The following KSR1 variants were observed in gnomAD, a reference collection of about 807,000 sequenced individuals.
KSR1 encodes the protein kinase suppressor of ras.
KSR1 carries 35 observed loss-of-function variants against 92.9 expected under a neutral mutation model. The ratio of observed to expected loss-of-function variants is 0.38; its 90% CI spans 0.29 to 0.50. The LOEUF is 0.50. Ranked by LOEUF, KSR1 falls within the 20% of genes least tolerant of loss-of-function variation. The probability of loss-of-function intolerance (pLI) is 0.94; values close to 1 mark genes in which losing one functional copy is unlikely to be tolerated. For synonymous variants in KSR1, 467 were observed against 472.6 expected, an observed-to-expected ratio of 0.99 and a Z score of 0.15; for missense variants, 972 against 1,158.5, an observed-to-expected ratio of 0.84 and a Z score of 2.34.
chr17:27,533,719 C>T (rs968121402), intron 1 of KSR1, among the ~76,000 whole-genome samples: 1 of 152,134 alleles, frequency 6.6e-6, no homozygotes, highest in Non-Finnish European at 1.5e-5. Flanking sequence ...TCTGATCTGC[C>T]GTTGAATCTA....
chr17:27,583,890 C>T (rs1185012018), intron 4 of KSR1: 1 of 662,630 alleles, frequency 1.5e-6, no homozygotes, highest in Non-Finnish European at 1.9e-6. Flanking sequence ...GAAAACTCTA[C>T]CCCACCATTT....
At chr17:27,561,539 G>A (rs1424521849) in intron 2 of KSR1, among the ~76,000 whole-genome samples, 1 of 152,154 alleles carries the variant, frequency 6.6e-6, no homozygotes, top group Non-Finnish European at 1.5e-5. Context: ...CCCAAGGAGC[G>A]GGGAAGGGAT....
chr17:27,483,539 A>T (rs896516105), intron 1 of KSR1: 5 of 144,042 alleles, frequency 3.5e-5, no homozygotes, highest in Non-Finnish European at 7.5e-5. Context: ...GTGAGCTGAG[A>T]TTGCGCCATT....
At chr17:27,511,331 G>T (rs1412447656) in intron 1 of KSR1, among the ~76,000 whole-genome samples, 1 of 152,196 alleles carries the variant, frequency 6.6e-6, no homozygotes, top group Non-Finnish European at 1.5e-5. Flanking sequence ...CTCTGGAGGT[G>T]CACTTGCTCA....
At position 27,459,533 on chromosome 17, in the gene KSR1, G is replaced by C. The variant is rs889404992; in HGVS notation, c.231+2659G>C. 1.3e-5 allele frequency among the ~76,000 whole-genome samples: 2 copies of C among 152,250 alleles called. No homozygotes were observed. The highest frequency in any genetic ancestry group is 4.8e-5 in the African/African-American group (2 of 41,468). On this transcript the variant is annotated intron_variant, in intron 1 of 20. Coordinates refer to ENST00000644974, the MANE Select transcript of KSR1 (RefSeq NM_001394583.1). The surrounding 1 kb of genome is among the most constrained non-coding windows in gnomAD (Gnocchi z 4.6). ...ATGTGTTGGGGCCAGGCAGGCAAGT[G>C]GCAGTGTCCACTCCAGCGTTCTTTC...
At chr17:27,615,671 T>G (rs540686882) in intron 18 of KSR1, among the ~76,000 whole-genome samples, 1 of 152,346 alleles carries the variant, frequency 6.6e-6, no homozygotes, top group South Asian at 2.1e-4. Flanking sequence ...GCTGCACAGC[T>G]GTTACCCTTC....
At chr17:27,494,765 C>T (rs1399087686) in intron 1 of KSR1, among the ~76,000 whole-genome samples, 2 of 152,218 alleles carry the variant, frequency 1.3e-5, no homozygotes, top group South Asian at 4.1e-4. Context: ...TCAGCATTGA[C>T]GTCGTGAGAA....
chr17:27,585,951 C>CTGATACGGCGA, intron 5 of KSR1: 1 of 427,562 alleles, frequency 2.3e-6, no homozygotes, highest in Non-Finnish European at 4.3e-6. Context: ...CTTGCCCTTC[C>CTGATACGGCGA]CCACCGAGAC....
intron 1 of KSR1, among the ~76,000 whole-genome samples, chr17:27,461,239 T>C (rs1381541519): frequency 2.6e-5 from 4 of 152,060 alleles, no homozygotes; most frequent in African/African-American, 7.2e-5. Flanking sequence ...CCCCACTATG[T>C]CCAGCTAATT....
chr17:27,574,864 G>A (rs1250431203), intron 2 of KSR1, among the ~76,000 whole-genome samples: 2 of 152,170 alleles, frequency 1.3e-5, no homozygotes, highest in Non-Finnish European at 2.9e-5. Flanking sequence ...AATATAGAAA[G>A]GGTTAAAGAC....
At chr17:27,562,172 T>C (rs2071857789) in intron 2 of KSR1, among the ~76,000 whole-genome samples, 2 of 152,166 alleles carry the variant, frequency 1.3e-5, no homozygotes, top group Admixed American at 1.3e-4. Context: ...ATCAATCCTT[T>C]GGATTTCTGG....
intron 1 of KSR1, among the ~76,000 whole-genome samples, chr17:27,499,960 C>T (rs939065171): frequency 9.9e-5 from 15 of 152,172 alleles, no homozygotes; most frequent in African/African-American, 2.4e-4. Flanking sequence ...GGACTGGCAG[C>T]GATTGTAGGG....
chr17:27,525,907 GAGCCCTTTCC>G (rs1255473319), intron 1 of KSR1, among the ~76,000 whole-genome samples: 1 of 152,188 alleles, frequency 6.6e-6, no homozygotes. Flanking sequence ...AGAATGAAAA[GAGCCCTTTCC>G]AATTTGGAAC....
chr17:27,464,313 G>T (rs2019577814), intron 1 of KSR1, among the ~76,000 whole-genome samples: 1 of 152,188 alleles, frequency 6.6e-6, no homozygotes, highest in African/African-American at 2.4e-5. Flanking sequence ...GGCTGGCTCA[G>T]CCCGAATGAA....
chr17:27,558,760 T>C (rs2071709032), intron 2 of KSR1, among the ~76,000 whole-genome samples: 1 of 152,084 alleles, frequency 6.6e-6, no homozygotes, highest in African/African-American at 2.4e-5. Flanking sequence ...CTGTTTCCTT[T>C]TGCTAACCTG....
intron 10 of KSR1, among the ~76,000 whole-genome samples, chr17:27,598,442 C>T (rs1421607396): frequency 6.6e-6 from 1 of 152,200 alleles, no homozygotes; most frequent in African/African-American, 2.4e-5. Flanking sequence ...TCTCCTGGGA[C>T]TTCTTTTGGG....
chr17:27,579,543 G>A (rs2072657241), intron 3 of KSR1: 1 of 152,180 alleles, frequency 6.6e-6, no homozygotes, highest in Admixed American at 6.5e-5. Context: ...GTGATAGAAA[G>A]TGTTGAAGTC....
chr17:27,468,317 C>T (rs2019805678), intron 1 of KSR1, among the ~76,000 whole-genome samples: 1 of 151,656 alleles, frequency 6.6e-6, no homozygotes, highest in Admixed American at 6.6e-5. Flanking sequence ...CTCACTGCAA[C>T]CTCTGCCTCC....
chr17:27,473,914 C>G (rs1360717089), intron 1 of KSR1, among the ~76,000 whole-genome samples: 5 of 152,088 alleles, frequency 3.3e-5, no homozygotes, highest in Admixed American at 3.3e-4. Flanking sequence ...CCAGCTGCAT[C>G]TTTGACAATT....
Sources: gnomAD v4.1 joint callset for allele counts (sites outside exome capture counted in the v4.1 genomes callset) on GRCh38, gnomAD v4.1.1 for gene constraint, Gnocchi (gnomAD v3.1) non-coding constraint, MANE v1.5 for transcripts, NCBI Gene and HGNC (gene_info 2026-07-23, HGNC 2026-07-21) for gene names.